LEMD2: variants seen among roughly 807,000 people sequenced by gnomAD.
The protein encoded by LEMD2 is LEM domain nuclear envelope protein 2, also known as LEM domain-containing protein 2.
Under a neutral mutation model 58.8 loss-of-function variants are expected in LEMD2, and 34 were observed. That is an observed-to-expected ratio of 0.58 (90% confidence interval 0.44 to 0.77). LEMD2 has a LOEUF of 0.77. Among genes scored for constraint, LEMD2 ranks in the 30% least tolerant of loss-of-function variants. The pLI is 0.00. For synonymous variants in LEMD2, 298 were observed against 308.9 expected, an observed-to-expected ratio of 0.96 and a Z score of 0.37; for missense variants, 629 against 717.9, an observed-to-expected ratio of 0.88 and a Z score of 1.42.
chr6:33,777,055 G>A lies in LEMD2; in HGVS notation c.1260C>T (p.Asp420=), dbSNP rs774392703. ...AMYEMVKKII[D]VVQDHYVDWE... Reference sequence around the variant, plus strand: ...AGTCCACGTAATGGTCCTGGACCACGTCTGCAGGAGAGAGCACACCATTTA... The same window carrying A: ...AGTCCACGTAATGGTCCTGGACCACATCTGCAGGAGAGAGCACACCATTTA... The change falls in exon 8 of 9, where the codon GAC becomes GAT. Residue 420 remains aspartate, a splice_region_variant and synonymous_variant. Transcript: ENST00000293760. 11 of 1,613,504 alleles carry A rather than the reference G, an allele frequency of 6.8e-6. No individual in the cohort carries two copies. The Admixed American group carries it at 8.3e-5, about 12-fold the overall frequency.
chr6:33,775,317 C>CT (rs1360324018), intron 8 of LEMD2, among the ~76,000 whole-genome samples: 3 of 151,922 alleles, frequency 2.0e-5, no homozygotes, highest in Non-Finnish European at 4.4e-5. Flanking sequence ...TAAGATGGAC[C>CT]TTTTTTTTAT....
Position 33,771,327 on chromosome 6 carries a change from A to C in LEMD2, c.*1301T>G, listed in dbSNP as rs901536629. The stretch of plus-strand genomic sequence containing the variant: ...CTGATTATGAGAACATGGCCTCACC[A>C]CGGGGCCAGCGCTCAGATTCCTGCC... On this transcript the variant is annotated 3_prime_UTR_variant, in exon 9 of 9. Transcript: ENST00000293760. 4.0e-5 allele frequency: 6 copies of C among 151,894 alleles called. No individual in the cohort carries two copies. The highest frequency in any genetic ancestry group is 6.6e-5 in the Admixed American group (1 of 15,260). The allele number at this position is 151,894 out of a possible 1,614,324, so 9.4% of individuals were successfully genotyped here.
intron 3 of LEMD2, among the ~76,000 whole-genome samples, chr6:33,783,726 C>G (rs1767613215): frequency 6.6e-6 from 1 of 152,218 alleles, no homozygotes; most frequent in African/African-American, 2.4e-5. Context: ...GGGCATTTCA[C>G]AGAGGTGCTG....
At chr6:33,782,511 C>T (rs894253573) in intron 3 of LEMD2, among the ~76,000 whole-genome samples, 14 of 152,212 alleles carry the variant, frequency 9.2e-5, no homozygotes, top group Non-Finnish European at 1.8e-4. Flanking sequence ...AATTTCCTGC[C>T]GCTTTGCCTT....
At position 33,777,043 on chromosome 6, in the gene LEMD2, G is replaced by A. The variant is rs753634289; in HGVS notation, c.1272C>T (p.Asp424=). Residue 424 remains aspartate, a synonymous_variant, in exon 8 of 9, where the codon GAC becomes GAT. Coordinates refer to ENST00000293760, the MANE Select transcript of LEMD2 (RefSeq NM_181336.4). The part of the protein sequence containing the change: ...MVKKIIDVVQ[D]HYVDWEQDME... The stretch of plus-strand genomic sequence containing the variant: ...TGTCCTGCTCCCAGTCCACGTAATG[G>A]TCCTGGACCACGTCTGCAGGAGAGA... 1.3e-4 allele frequency: 214 copies of A among 1,613,952 alleles called. No homozygotes were observed. The highest frequency in any genetic ancestry group is 1.7e-4 in the Non-Finnish European group (206 of 1,179,940).
Position 33,784,439 on chromosome 6 carries a change from C to T in LEMD2, c.778-12G>A, listed in dbSNP as rs377206010. On this transcript the variant is annotated splice_polypyrimidine_tract_variant and intron_variant, in intron 2 of 8. Transcript: ENST00000293760. ...TTGGCCTGACAGAACTGGAAAGGCA[C>T]GGGACAAGTGGTCAGCAAGGAGGGG... 83 of 1,039,692 alleles carry T rather than the reference C, an allele frequency of 8.0e-5. No individual in the cohort carries two copies. The highest frequency in any genetic ancestry group is 3.6e-4 in the Middle Eastern group (1 of 2,800). 64.4% of individuals were successfully genotyped at this position (1,039,692 alleles called of 1,614,324 possible). A position where few individuals can be genotyped will look rare whatever the true frequency, so the allele number is the denominator to read the frequency against.
chr6:33,780,723 G>C (rs750990476), intron 4 of LEMD2, among the ~76,000 whole-genome samples: 1 of 152,218 alleles, frequency 6.6e-6, no homozygotes, highest in Non-Finnish European at 1.5e-5. Flanking sequence ...CCCCTGGGCA[G>C]TCTGAATGGT....
intron 1 of LEMD2, 125 bp downstream of exon 1, chr6:33,788,256 T>C: frequency 3.0e-6 from 3 of 1,007,984 alleles, no homozygotes; most frequent in Non-Finnish European, 4.1e-6. Flanking sequence ...GGCCTGGAAA[T>C]GAGAAGACAG....
chr6:33,784,574 G>C (rs917889704), intron 2 of LEMD2, 147 bp from the exon 3 acceptor site: 5 of 622,884 alleles, frequency 8.0e-6, no homozygotes, highest in African/African-American at 5.5e-5. Flanking sequence ...ATTCTGCCAA[G>C]TGCTGGGCCT....
At position 33,788,401 on chromosome 6, in the gene LEMD2, G is replaced by T; in HGVS notation, c.716C>A (p.Pro239Gln). 2 of 1,582,008 alleles carry T rather than the reference G, an allele frequency of 1.3e-6. No homozygotes were observed. Among genetic ancestry groups the T allele is most frequent in the Non-Finnish European group, 1.7e-6 (2 of 1,165,334 alleles). The change falls in exon 1 of 9, where the codon CCG (proline) becomes CAG (glutamine). Residue 239 changes from proline (P) to glutamine (Q), a missense_variant. By Grantham distance (76) the Pro-to-Gln change is moderately conservative. This residue lies in a region of LEMD2 where 386 missense variants were observed against 381.1 expected (regional missense o/e 1.01). Coordinates refer to ENST00000293760, the MANE Select transcript of LEMD2 (RefSeq NM_181336.4). The stretch of plus-strand genomic sequence containing the variant: ...CGTACTGTTGTCCTCCGCCTCCTGC[G>T]GCGCTGAGGGCTTGCCCATCTTCAC... ...LWVKMGKPSA[P>Q]QEAEDNMKLL...
At chr6:33,773,602 G>GGGC (rs1554148369) in intron 8 of LEMD2, among the ~76,000 whole-genome samples, 25 of 151,578 alleles carry the variant, frequency 1.6e-4, no homozygotes, top group Non-Finnish European at 2.8e-4. Context: ...GGCGGGGGGG[G>GGGC]GGCTAGGGCT....
At chr6:33,786,913 A>C (rs1767689778) in intron 1 of LEMD2, 139 bp from the exon 2 acceptor site, 1 of 1,466,268 alleles carries the variant, frequency 6.8e-7, no homozygotes, top group South Asian at 1.4e-5. Flanking sequence ...CATCTAAGGA[A>C]GGCACTTTTA....
intron 8 of LEMD2, 58 bp downstream of exon 8, chr6:33,776,896 G>T: frequency 7.2e-7 from 1 of 1,381,026 alleles, no homozygotes; most frequent in Non-Finnish European, 1.0e-6. Flanking sequence ...CTTCTGGGGA[G>T]CTCAGTGGGG....
chr6:33,782,087 C>T (rs1021885050), intron 3 of LEMD2: 2 of 152,280 alleles, frequency 1.3e-5, no homozygotes, highest in Non-Finnish European at 2.9e-5. Flanking sequence ...GATCCTCCTA[C>T]TTCAAAGTTG....
chr6:33,781,212 C>G, intron 3 of LEMD2, 59 bp from the exon 4 acceptor site: 1 of 1,086,766 alleles, frequency 9.2e-7, no homozygotes, highest in Non-Finnish European at 1.4e-6. Context: ...CTGAAACAGA[C>G]TAAAAAATGC....
chr6:33,788,937 C>A lies in LEMD2; in HGVS notation c.180G>T (p.Glu60Asp). ...LREEARPRGE[E>D]RLREEARLRE... ...GTAACCGGGCCTCTTCCCGTAACCG[C>A]TCCTCGCCCCGCGGCCGGGCCTCCT... Residue 60 changes from glutamate (E) to aspartate (D), a missense_variant, in exon 1 of 9, where the codon GAG (glutamate) becomes GAT (aspartate). This residue lies in a region of LEMD2 where 386 missense variants were observed against 381.1 expected (regional missense o/e 1.01). Coordinates refer to ENST00000293760, the MANE Select transcript of LEMD2 (RefSeq NM_181336.4). 1 of 1,502,208 alleles carries A rather than the reference C, an allele frequency of 6.7e-7. No individual in the cohort carries two copies. The highest frequency in any genetic ancestry group is 2.8e-5 in the East Asian group (1 of 35,848). The allele number at this position is 1,502,208 out of a possible 1,614,324, so 93.1% of individuals were successfully genotyped here.
intron 3 of LEMD2, 33 bp from the exon 4 acceptor site, chr6:33,781,186 CA>C: frequency 2.9e-6 from 4 of 1,371,138 alleles, no homozygotes; most frequent in Non-Finnish European, 4.2e-6. Context: ...TGCTCAAACA[CA>C]AAGGAAAAAT....
At chr6:33,779,973 T>C in intron 5 of LEMD2, 127 bp downstream of exon 5, 2 of 761,832 alleles carry the variant, frequency 2.6e-6, no homozygotes, top group East Asian at 2.7e-5. Flanking sequence ...ACCCACATGA[T>C]TCTGCTGGGA....
intron 4 of LEMD2, 107 bp from the exon 5 acceptor site, chr6:33,780,286 CA>C (rs1369327333): frequency 1.0e-6 from 1 of 963,604 alleles, no homozygotes; most frequent in East Asian, 2.6e-5. Flanking sequence ...TCCACAGCCC[CA>C]AAACCCTGTT....
Sources: gnomAD v4.1 joint callset for allele counts (sites outside exome capture counted in the v4.1 genomes callset) on GRCh38, gnomAD v4.1.1 for gene constraint, gnomAD v4.1.1 regional missense constraint, MANE v1.5 for transcripts, NCBI Gene and HGNC (gene_info 2026-07-23, HGNC 2026-07-21) for gene names.